FSTL4: variants seen among roughly 807,000 people sequenced by gnomAD.
The protein encoded by FSTL4 is follistatin like 4.
Under a neutral mutation model 78.2 loss-of-function variants are expected in FSTL4, and 28 were observed. The ratio of observed to expected loss-of-function variants is 0.36; its 90% CI spans 0.27 to 0.49. The LOEUF is 0.49. FSTL4 is among the 20% of genes least tolerant of loss of function. The probability of loss-of-function intolerance (pLI) is 0.98; values close to 1 mark genes in which losing one functional copy is unlikely to be tolerated. For synonymous variants in FSTL4, 422 were observed against 440.5 expected (o/e 0.96, Z 0.53); for missense variants, 922 against 1,084.9 (o/e 0.85, Z 2.11).
At chr5:133,786,589 T>C in the FSTL4 span, among the ~76,000 whole-genome samples, 1 of 152,206 alleles carries the variant, frequency 6.6e-6, no homozygotes, top group Non-Finnish European at 1.5e-5. Context: ...CAAACAAGTC[T>C]AGCCTCGGCT....
chr5:133,759,886 A>G, the FSTL4 span, among the ~76,000 whole-genome samples: 1 of 152,346 alleles, frequency 6.6e-6, no homozygotes, highest in Admixed American at 6.5e-5. Flanking sequence ...TTCTCTGTTT[A>G]ATAAGGATGG....
chr5:133,380,503 C>T (rs1350998686), intron 4 of FSTL4, among the ~76,000 whole-genome samples: 1 of 151,856 alleles, frequency 6.6e-6, no homozygotes, highest in Non-Finnish European at 1.5e-5. Flanking sequence ...AATAAGAAAA[C>T]TATATAAGTA....
At chr5:133,233,327 A>T in intron 8 of FSTL4, 90 bp downstream of exon 8, 1 of 1,392,684 alleles carries the variant, frequency 7.2e-7, no homozygotes, top group Non-Finnish European at 1.0e-6. Flanking sequence ...TTTCTTTAAG[A>T]AGACAGAATA....
At chr5:133,820,225 C>T in the FSTL4 span, among the ~76,000 whole-genome samples, 4 of 152,192 alleles carry the variant, frequency 2.6e-5, no homozygotes, top group Non-Finnish European at 5.9e-5. Flanking sequence ...CTGGGAGGGT[C>T]CAGCTGTCAC....
At chr5:133,616,322 T>TATC (rs1761198289), upstream of FSTL4, among the ~76,000 whole-genome samples, 2 of 151,070 alleles carry the variant, frequency 1.3e-5, no homozygotes, top group South Asian at 2.1e-4. Context: ...TCTATCTATC[T>TATC]ATCTATCTAT....
chr5:133,334,659 A>T (rs78551583), intron 4 of FSTL4, among the ~76,000 whole-genome samples: 2,213 of 152,246 alleles, frequency 0.015, 73 homozygotes, highest in African/African-American at 0.049. Flanking sequence ...GTTTCTCAAT[A>T]TGTCTGAAAG....
chr5:133,300,399 C>T (rs1480702206), intron 6 of FSTL4, among the ~76,000 whole-genome samples: 1 of 152,186 alleles, frequency 6.6e-6, no homozygotes, highest in East Asian at 1.9e-4. Flanking sequence ...CCGTTCCCCA[C>T]CCAACCCTGT....
chr5:133,823,549 C>G, the FSTL4 span, among the ~76,000 whole-genome samples: 1 of 152,156 alleles, frequency 6.6e-6, no homozygotes, highest in Admixed American at 6.5e-5. Context: ...GACTCAAACA[C>G]CCAGCAGGTC....
At chr5:133,208,191 C>T (rs1305732656) in intron 14 of FSTL4, 1 of 152,178 alleles carries the variant, frequency 6.6e-6, no homozygotes, top group Non-Finnish European at 1.5e-5. Context: ...TAGTATCTTT[C>T]CTTAGGTGTG....
the FSTL4 span, among the ~76,000 whole-genome samples, chr5:133,649,815 A>T: frequency 6.6e-6 from 1 of 152,034 alleles, no homozygotes; most frequent in African/African-American, 2.4e-5. Flanking sequence ...CTGCCTTTTC[A>T]TTCTCTTGAG....
chr5:133,681,139 C>A, the FSTL4 span, among the ~76,000 whole-genome samples: 4 of 152,238 alleles, frequency 2.6e-5, no homozygotes, highest in African/African-American at 4.8e-5. Context: ...GACAGGCAGG[C>A]AGGTGGGCAG....
chr5:133,652,510 T>C, the FSTL4 span, among the ~76,000 whole-genome samples: 2 of 152,344 alleles, frequency 1.3e-5, no homozygotes, highest in African/African-American at 4.8e-5. Context: ...CTTTGACCCA[T>C]ATGTTATTTA....
chr5:133,522,061 G>T (rs1758992339), intron 3 of FSTL4, among the ~76,000 whole-genome samples: 1 of 152,072 alleles, frequency 6.6e-6, no homozygotes, highest in African/African-American at 2.4e-5. Context: ...AGATCCCCAG[G>T]CCCTCAGAGT....
the FSTL4 span, among the ~76,000 whole-genome samples, chr5:133,636,366 C>T: frequency 1.3e-5 from 2 of 152,194 alleles, no homozygotes; most frequent in African/African-American, 2.4e-5. Context: ...TAGGACTCAG[C>T]GATCAGGAAG....
At chr5:133,256,141 C>G (rs995632680) in intron 6 of FSTL4, among the ~76,000 whole-genome samples, 1 of 152,252 alleles carries the variant, frequency 6.6e-6, no homozygotes, top group South Asian at 2.1e-4. Context: ...TTTGACTGAG[C>G]CTCGGAGGGC....
chr5:133,316,394 G>A (rs1205467313), intron 5 of FSTL4, 65 bp downstream of exon 5: 53 of 1,275,404 alleles, frequency 4.2e-5, no homozygotes, highest in Non-Finnish European at 5.2e-5. Flanking sequence ...ACACCAGGGG[G>A]CCGGGGTGGG....
chr5:133,695,710 G>T, the FSTL4 span, among the ~76,000 whole-genome samples: 1 of 152,272 alleles, frequency 6.6e-6, no homozygotes, highest in East Asian at 1.9e-4. Flanking sequence ...GCCAGGTACT[G>T]CTCCTCTCCT....
At chr5:133,597,805 GCTGGGC>G (rs1760768273) in intron 2 of FSTL4, among the ~76,000 whole-genome samples, 1 of 152,200 alleles carries the variant, frequency 6.6e-6, no homozygotes, top group Admixed American at 6.5e-5. Flanking sequence ...AAACAGGCTG[GCTGGGC>G]CTAGGGACAG....
In FSTL4 at chr5:133,198,993, A is replaced by G; in HGVS notation, c.*102T>C. Reference sequence around the variant, plus strand: ...CAGTGTTGAACCACAAAGCGAGTACAGGTTTTTGCTTTTGTCTGTAAAAAT... The same window carrying G: ...CAGTGTTGAACCACAAAGCGAGTACGGGTTTTTGCTTTTGTCTGTAAAAAT... On this transcript the variant is annotated 3_prime_UTR_variant, in exon 16 of 16. Transcript: ENST00000265342. 1.5e-6 allele frequency: 1 copy of G among 658,988 alleles called. No individual in the cohort carries two copies. The highest frequency in any genetic ancestry group is 2.5e-6 in the Non-Finnish European group (1 of 394,284). The allele number at this position is 658,988 out of a possible 1,614,324, so 40.8% of individuals were successfully genotyped here. A position where few individuals can be genotyped will look rare whatever the true frequency, so the allele number is the denominator to read the frequency against.
Sources: gnomAD v4.1 joint callset for allele counts (sites outside exome capture counted in the v4.1 genomes callset) on GRCh38, gnomAD v4.1.1 for gene constraint, MANE v1.5 for transcripts, NCBI Gene and HGNC (gene_info 2026-07-23, HGNC 2026-07-21) for gene names.